MAGI2: variants seen among roughly 807,000 people sequenced by gnomAD.
MAGI2 encodes the protein membrane associated guanylate kinase, WW and PDZ domain containing 2.
In MAGI2, 35 loss-of-function variants were observed where a neutral mutation model predicts 133.3. The ratio of observed to expected loss-of-function variants is 0.26; its 90% CI spans 0.20 to 0.35. The LOEUF (loss-of-function observed/expected upper bound fraction) is 0.35, where lower values mean the gene tolerates loss of function less well. MAGI2 is among the 10% of genes least tolerant of loss of function. MAGI2 has a pLI of 1.00. For missense variants in MAGI2, 1,636 were observed against 1,863.4 expected, an observed-to-expected ratio of 0.88 and a Z score of 2.25; for synonymous variants, 729 against 710.6, an observed-to-expected ratio of 1.03 and a Z score of -0.41.
chr7:79,331,016 G>C (rs964972192), intron 1 of MAGI2, among the ~76,000 whole-genome samples: 1 of 152,056 alleles, frequency 6.6e-6, no homozygotes, highest in Non-Finnish European at 1.5e-5. Context: ...TCAATTATTA[G>C]TACTACAGAG....
chr7:79,281,057 T>C (rs761026491), intron 1 of MAGI2, among the ~76,000 whole-genome samples: 1 of 150,668 alleles, frequency 6.6e-6, no homozygotes, highest in Non-Finnish European at 1.5e-5. Context: ...AGAGAGTCAC[T>C]TGGGAGTCAT....
intron 9 of MAGI2, among the ~76,000 whole-genome samples, chr7:78,296,902 C>T (rs2151059735): frequency 6.6e-6 from 1 of 152,302 alleles, no homozygotes; most frequent in African/African-American, 2.4e-5. Context: ...GGTACGTTTA[C>T]ACAAGGAGTG....
chr7:78,897,854 C>T (rs571115616), intron 2 of MAGI2, among the ~76,000 whole-genome samples: 13 of 152,182 alleles, frequency 8.5e-5, no homozygotes, highest in South Asian at 2.1e-4. Flanking sequence ...AATTGACAAA[C>T]GAGATCTAAT....
At chr7:78,417,744 G>C (rs28573255) in intron 6 of MAGI2, among the ~76,000 whole-genome samples, 15,256 of 152,158 alleles carry the variant, frequency 0.1, 854 homozygotes, top group Middle Eastern at 0.14. Context: ...TAAGAAATAG[G>C]ATTCAATAGG....
At chr7:78,703,756 G>T (rs769181502) in intron 2 of MAGI2, among the ~76,000 whole-genome samples, 2 of 151,770 alleles carry the variant, frequency 1.3e-5, no homozygotes, top group Non-Finnish European at 2.9e-5. Context: ...ATGCCACCAT[G>T]GGTTTATTGA....
intron 2 of MAGI2, among the ~76,000 whole-genome samples, chr7:78,632,149 A>C (rs980571186): frequency 9.8e-5 from 15 of 152,356 alleles, no homozygotes; most frequent in African/African-American, 3.6e-4. Flanking sequence ...ACACTATTCT[A>C]GATGCTTGAG....
chr7:79,150,006 G>A (rs1467035653), intron 1 of MAGI2, among the ~76,000 whole-genome samples: 1 of 152,090 alleles, frequency 6.6e-6, no homozygotes, highest in Non-Finnish European at 1.5e-5. Context: ...TGTGAGATCA[G>A]GAGATAAAGT....
intron 9 of MAGI2, among the ~76,000 whole-genome samples, chr7:78,310,829 G>A (rs1480408037): frequency 6.6e-6 from 1 of 152,118 alleles, no homozygotes; most frequent in Non-Finnish European, 1.5e-5. Context: ...TTTTGATAAG[G>A]GAATATAGCC....
chr7:78,762,689 G>C (rs1185632555), intron 2 of MAGI2, among the ~76,000 whole-genome samples: 1 of 152,188 alleles, frequency 6.6e-6, no homozygotes, highest in African/African-American at 2.4e-5. Context: ...AGTATAGCTA[G>C]TGAGAGAAAC....
chr7:78,947,637 C>CAA (rs2151694702), intron 2 of MAGI2, among the ~76,000 whole-genome samples: 1 of 152,130 alleles, frequency 6.6e-6, no homozygotes, highest in Non-Finnish European at 1.5e-5. Flanking sequence ...TCATTTTTAA[C>CAA]AAAGTAGAGT....
intron 1 of MAGI2, among the ~76,000 whole-genome samples, chr7:79,186,223 TATATATATA>T (rs1562973037): frequency 3.9e-5 from 5 of 127,806 alleles, no homozygotes; most frequent in African/African-American, 1.4e-4. Context: ...TATATATATA[TATATATATA>T]TATATATATA....
chr7:79,347,067 T>C (rs1008779481), intron 1 of MAGI2, among the ~76,000 whole-genome samples: 1 of 151,960 alleles, frequency 6.6e-6, no homozygotes, highest in South Asian at 2.1e-4. Flanking sequence ...GCAACAATCC[T>C]CACCTTTTTT....
At chr7:79,346,579 TG>T (rs1378871083) in intron 1 of MAGI2, among the ~76,000 whole-genome samples, 30 of 152,080 alleles carry the variant, frequency 2.0e-4, no homozygotes, top group African/African-American at 7.0e-4. Flanking sequence ...GCAACTGTAC[TG>T]CCCTCTGTAC....
At chr7:78,707,452 T>C (rs1818767998) in intron 2 of MAGI2, among the ~76,000 whole-genome samples, 1 of 152,132 alleles carries the variant, frequency 6.6e-6, no homozygotes, top group Non-Finnish European at 1.5e-5. Context: ...CATTGCTAAG[T>C]TGTGCCAGAC....
intron 10 of MAGI2, among the ~76,000 whole-genome samples, chr7:78,208,011 AG>A (rs1335305257): frequency 6.6e-6 from 1 of 151,926 alleles, no homozygotes; most frequent in East Asian, 1.9e-4. Context: ...CTGGGATTAC[AG>A]GCGCCCACCA....
At chr7:78,676,424 A>G (rs1188732614) in intron 2 of MAGI2, among the ~76,000 whole-genome samples, 1 of 152,134 alleles carries the variant, frequency 6.6e-6, no homozygotes, top group Non-Finnish European at 1.5e-5. Flanking sequence ...GTGCTTGTTA[A>G]TTCTATACAC....
intron 6 of MAGI2, chr7:78,487,057 G>A (rs1339138646): frequency 2.1e-6 from 1 of 471,440 alleles, no homozygotes; most frequent in South Asian, 1.6e-5. Flanking sequence ...AGGCAGGGCA[G>A]AGGGACTTTT....
intron 2 of MAGI2, among the ~76,000 whole-genome samples, chr7:78,734,067 C>A (rs139804890): frequency 6.6e-6 from 1 of 151,986 alleles, no homozygotes; most frequent in African/African-American, 2.4e-5. Flanking sequence ...CATCTAAGAA[C>A]GACAATAGAT....
chr7:79,366,268 T>A lies in MAGI2; in HGVS notation c.301+86752A>T, dbSNP rs114394536. Among the ~76,000 whole-genome samples the A allele has an allele frequency of 8.7e-3, 1,325 of 151,926 alleles. 13 individuals are homozygous for A. The highest frequency in any genetic ancestry group is 0.03 in the African/African-American group (1,260 of 41,484). ...AAACAAACAAACAAACAAAGAAAAATATATATATATCCAATCCCAAAATGT... is the reference window on the plus strand; with the variant it reads ...AAACAAACAAACAAACAAAGAAAAAAATATATATATCCAATCCCAAAATGT... On this transcript the variant is annotated intron_variant, in intron 1 of 21. Transcript: ENST00000354212.
Sources: gnomAD v4.1 joint callset for allele counts (sites outside exome capture counted in the v4.1 genomes callset) on GRCh38, gnomAD v4.1.1 for gene constraint, MANE v1.5 for transcripts, NCBI Gene and HGNC (gene_info 2026-07-23, HGNC 2026-07-21) for gene names.